The following ZNF430 variants were observed in gnomAD, a reference collection of about 807,000 sequenced individuals.
ZNF430 encodes the protein zinc finger protein 430.
Under a neutral mutation model 56.7 loss-of-function variants are expected in ZNF430, and 35 were observed. That is an observed-to-expected ratio of 0.62 (90% confidence interval 0.47 to 0.82). The LOEUF (loss-of-function observed/expected upper bound fraction) is 0.82, where lower values mean the gene tolerates loss of function less well. ZNF430 is among the 40% of genes least tolerant of loss of function. The probability of loss-of-function intolerance (pLI) is 0.00; values close to 1 mark genes in which losing one functional copy is unlikely to be tolerated. For synonymous variants in ZNF430, 212 were observed against 224.3 expected (o/e 0.94, Z 0.49); for missense variants, 574 against 661.0 (o/e 0.87, Z 1.44).
intron 4 of ZNF430, among the ~76,000 whole-genome samples, chr19:21,054,832 G>A (rs973262881): frequency 5.9e-5 from 9 of 151,582 alleles, no homozygotes; most frequent in Non-Finnish European, 1.5e-5. Context: ...CCGCCACCAC[G>A]CCCGGCTGAT....
chr19:21,048,134 T>C (rs2144781050), intron 4 of ZNF430, among the ~76,000 whole-genome samples: 1 of 151,220 alleles, frequency 6.6e-6, no homozygotes, highest in South Asian at 2.1e-4. Context: ...TATAATGTAA[T>C]CATCTTAAAA....
intron 1 of ZNF430, among the ~76,000 whole-genome samples, chr19:21,022,373 C>T (rs10407709): frequency 0.015 from 2,322 of 152,280 alleles, 66 homozygotes; most frequent in African/African-American, 0.054. Flanking sequence ...GCCAACTTTT[C>T]CTACCTAATT....
At chr19:21,044,203 A>T (rs1435640827) in intron 4 of ZNF430, among the ~76,000 whole-genome samples, 1 of 152,008 alleles carries the variant, frequency 6.6e-6, no homozygotes, top group East Asian at 1.9e-4. Flanking sequence ...TTTCGGTATG[A>T]TACTGGCTGT....
intron 3 of ZNF430, chr19:21,033,835 C>A: frequency 1.9e-6 from 1 of 520,894 alleles, no homozygotes. Flanking sequence ...AATTTAGTGG[C>A]ATAAAATATT....
Position 21,058,215 on chromosome 19 carries a change from C to T in ZNF430, c.*194C>T, listed in dbSNP as rs375790147. The stretch of plus-strand genomic sequence containing the variant: ...ATCCCAGCACTTTGGGAGGCTGAGA[C>T]GGGTGAATTACATGAGGTTGGGAGT... On this transcript the variant is annotated 3_prime_UTR_variant, in exon 5 of 5. Transcript: ENST00000261560. 68 of 574,812 alleles carry T rather than the reference C, an allele frequency of 1.2e-4. No individual in the cohort carries two copies. Among genetic ancestry groups the T allele is most frequent in the African/African-American group, 6.3e-4 (34 of 53,578 alleles). 35.6% of individuals were successfully genotyped at this position (574,812 alleles called of 1,614,324 possible).
At chr19:21,023,399 G>A (rs1002760496) in intron 2 of ZNF430, among the ~76,000 whole-genome samples, 1 of 152,116 alleles carries the variant, frequency 6.6e-6, no homozygotes, top group Non-Finnish European at 1.5e-5. Context: ...AATTCTATTA[G>A]TAGGGCTTGA....
chr19:21,028,016 T>C (rs1967834874), intron 2 of ZNF430, among the ~76,000 whole-genome samples: 2 of 152,294 alleles, frequency 1.3e-5, no homozygotes, highest in South Asian at 4.1e-4. Flanking sequence ...TCTCCTTTGA[T>C]TGTACTCCAC....
rs1474897780 is a variant in ZNF430 at position 21,057,769 on chromosome 19, T to A, written c.1461T>A (p.Cys487Ter). Residue 487 changes from cysteine (C) to a stop codon, truncating the protein, a stop_gained, in exon 5 of 5, where the codon TGT (cysteine) becomes TGA (stop). Transcript: ENST00000261560. LOFTEE classifies it high-confidence loss of function. Reference protein sequence around the residue: ...VIHSGEKPYKCEECGKAFNQF... With the variant: ...VIHSGEKPYK ...ATTCTGGAGAGAAACCCTACAAATG[T>A]GAAGAATGTGGCAAAGCTTTTAACC... The A allele has an allele frequency of 6.2e-7, 1 of 1,613,816 alleles. No homozygotes were observed. Among genetic ancestry groups the A allele is most frequent in the South Asian group, 1.1e-5 (1 of 91,034 alleles).
chr19:21,033,728 A>G (rs1476828929), intron 3 of ZNF430, 146 bp downstream of exon 3: 12 of 1,047,190 alleles, frequency 1.1e-5, no homozygotes, highest in Non-Finnish European at 1.6e-5. Context: ...TTTTCCATAT[A>G]GGAAAGAATT....
intron 4 of ZNF430, among the ~76,000 whole-genome samples, chr19:21,046,069 C>T (rs557690242): frequency 8.5e-5 from 13 of 152,208 alleles, no homozygotes; most frequent in South Asian, 2.1e-4. Context: ...TGCCTGTAAT[C>T]CCAGCACTTT....
chr19:21,055,205 A>G (rs2144791420), intron 4 of ZNF430, among the ~76,000 whole-genome samples: 1 of 151,994 alleles, frequency 6.6e-6, no homozygotes, highest in East Asian at 1.9e-4. Flanking sequence ...TATTTTTGAT[A>G]AAACCATATT....
intron 4 of ZNF430, among the ~76,000 whole-genome samples, chr19:21,046,899 GTTC>G (rs1968193398): frequency 6.6e-6 from 1 of 152,096 alleles, no homozygotes; most frequent in Non-Finnish European, 1.5e-5. Flanking sequence ...GGTTGGAAAA[GTTC>G]TTCTGGATGA....
At chr19:21,045,342 A>G (rs1968169856) in intron 4 of ZNF430, among the ~76,000 whole-genome samples, 1 of 152,198 alleles carries the variant, frequency 6.6e-6, no homozygotes, top group Non-Finnish European at 1.5e-5. Context: ...CCCAGAAGTC[A>G]TTCAGGAGCA....
chr19:21,033,303 C>CA (rs111525322), intron 2 of ZNF430, among the ~76,000 whole-genome samples, 153 bp from the exon 3 acceptor site: 1,686 of 135,700 alleles, frequency 0.012, 26 homozygotes, highest in African/African-American at 0.035. Flanking sequence ...GCCTCTGTCT[C>CA]AAAAAAAAAA....
chr19:21,037,565 T>C (rs1968026668), intron 4 of ZNF430, among the ~76,000 whole-genome samples: 1 of 152,244 alleles, frequency 6.6e-6, no homozygotes, highest in Non-Finnish European at 1.5e-5. Context: ...CAAATATGTC[T>C]TCCAGGTCAT....
At chr19:21,042,532 A>C (rs1968120971) in intron 4 of ZNF430, among the ~76,000 whole-genome samples, 1 of 152,164 alleles carries the variant, frequency 6.6e-6, no homozygotes, top group South Asian at 2.1e-4. Flanking sequence ...TCACACCTGT[A>C]ATCCCAGCAC....
chr19:21,021,627 C>T (rs12976796), intron 1 of ZNF430, among the ~76,000 whole-genome samples: 104,993 of 151,858 alleles, frequency 0.69, 40,240 homozygotes, highest in East Asian at 0.87. Flanking sequence ...GAAGGAAAGA[C>T]TTTTATAAGG....
chr19:21,020,749 A>C lies in ZNF430; in HGVS notation c.-52A>C. 1 of 1,611,500 alleles carries C rather than the reference A, an allele frequency of 6.2e-7. No individual in the cohort carries two copies. The highest frequency in any genetic ancestry group is 1.1e-5 in the South Asian group (1 of 91,008). On this transcript the variant is annotated 5_prime_UTR_variant, in exon 1 of 5. Coordinates refer to ENST00000261560, the MANE Select transcript of ZNF430 (RefSeq NM_025189.4). ...CAGGCTCTGTGGCCCTGTGACCCGCAGGTATTGGGAGATCTACAGCTAAGA... is the reference window on the plus strand; with the variant it reads ...CAGGCTCTGTGGCCCTGTGACCCGCCGGTATTGGGAGATCTACAGCTAAGA...
chr19:21,041,810 T>C (rs1298680212), intron 4 of ZNF430, among the ~76,000 whole-genome samples: 1 of 152,176 alleles, frequency 6.6e-6, no homozygotes, highest in Non-Finnish European at 1.5e-5. Flanking sequence ...GATACCCTGG[T>C]TCAAGCGATT....
Sources: gnomAD v4.1 joint callset for allele counts (sites outside exome capture counted in the v4.1 genomes callset) on GRCh38, gnomAD v4.1.1 for gene constraint, MANE v1.5 for transcripts, NCBI Gene and HGNC (gene_info 2026-07-23, HGNC 2026-07-21) for gene names.